The following MTMR6 variants were observed in gnomAD, a reference collection of about 807,000 sequenced individuals.
MTMR6 encodes the protein myotubularin related protein 6.
Under a neutral mutation model 80.1 loss-of-function variants are expected in MTMR6, and 47 were observed. That is an observed-to-expected ratio of 0.59 (90% CI 0.46 to 0.75). The LOEUF is 0.75. Among genes scored for constraint, MTMR6 ranks in the 30% least tolerant of loss-of-function variants. The pLI is 0.00. For missense variants in MTMR6, 629 were observed against 730.9 expected, an observed-to-expected ratio of 0.86 and a Z score of 1.61; for synonymous variants, 254 against 253.0, an observed-to-expected ratio of 1.00 and a Z score of -0.04.
At chr13:25,287,163 C>A in intron 1 of MTMR6, 61 bp downstream of exon 1, 1 of 1,558,586 alleles carries the variant, frequency 6.4e-7, no homozygotes, top group East Asian at 2.4e-5. Flanking sequence ...CCTTCGTCTC[C>A]TCCTGCCTCA....
At chr13:25,286,976 T>C (rs551957857) in intron 1 of MTMR6, among the ~76,000 whole-genome samples, 40 of 152,174 alleles carry the variant, frequency 2.6e-4, no homozygotes, top group Middle Eastern at 6.8e-3. Context: ...CCCAGACTTA[T>C]CTCTACGCAC....
intron 5 of MTMR6, among the ~76,000 whole-genome samples, chr13:25,264,770 A>ATACTTGGGAGGCTGAGGCAGG (rs1957416941): frequency 6.7e-6 from 1 of 150,238 alleles, no homozygotes; most frequent in Non-Finnish European, 1.5e-5. Flanking sequence ...AAAAAAAAAA[A>ATACTTGGGAGGCTGAGGCAGG]AAAAAGAAAT....
intron 2 of MTMR6, among the ~76,000 whole-genome samples, chr13:25,273,776 C>T (rs1169300005): frequency 2.0e-5 from 3 of 152,096 alleles, no homozygotes; most frequent in South Asian, 2.1e-4. Flanking sequence ...CCACCCACCT[C>T]GGCCTCCCAA....
chr13:25,274,951 C>CACACAT (rs1566042688), intron 1 of MTMR6, among the ~76,000 whole-genome samples: 41 of 129,512 alleles, frequency 3.2e-4, no homozygotes, highest in African/African-American at 1.2e-3. Context: ...CACACACACA[C>CACACAT]ACACACACAT....
At position 25,263,619 on chromosome 13, in the gene MTMR6, G is replaced by C. The variant is rs567803287; in HGVS notation, c.592-1817C>G. On this transcript the variant is annotated intron_variant, in intron 5 of 13. Transcript: ENST00000381801. ...AAGAATCCCAAAGCCAGGCACGGTG[G>C]CTCACACCTGCAATCCCAGCACTTT... Among the ~76,000 whole-genome samples, 4 of 152,316 alleles carry C rather than the reference G, an allele frequency of 2.6e-5. No individual in the cohort carries two copies. The South Asian group carries it at 8.3e-4, about 32-fold the overall frequency.
Position 25,258,807 on chromosome 13 carries a change from T to C in MTMR6, c.727-115A>G. 2 of 812,942 alleles carry C rather than the reference T, an allele frequency of 2.5e-6. 1 individual carries two copies. The highest frequency in any genetic ancestry group is 3.5e-6 in the Non-Finnish European group (2 of 566,102). The allele number at this position is 812,942 out of a possible 1,614,324, so 50.4% of individuals were successfully genotyped here. Reference sequence around the variant, plus strand: ...CTAGGAGGCAGTTTAAAGGAACTCATCAAAACTGAATAAGCTACCATTCAT... The same window carrying C: ...CTAGGAGGCAGTTTAAAGGAACTCACCAAAACTGAATAAGCTACCATTCAT... On this transcript the variant is annotated intron_variant, in intron 6 of 13. Transcript: ENST00000381801.
At position 25,257,399 on chromosome 13, in the gene MTMR6, G is replaced by T. The variant is rs959755013; in HGVS notation, c.970-78C>A. ...TTCTACTTGAAAATCATACTAGCAG[G>T]TATTGTGTTACAAGGAAGTGCTATG... On this transcript the variant is annotated intron_variant, in intron 8 of 13. Coordinates refer to ENST00000381801, the MANE Select transcript of MTMR6 (RefSeq NM_004685.5). The T allele has an allele frequency of 3.3e-6, 5 of 1,522,068 alleles. No individual in the cohort carries two copies. In the African/African-American group the frequency reaches 5.6e-5, roughly 17 times the overall value. 94.3% of individuals were successfully genotyped at this position (1,522,068 alleles called of 1,614,324 possible).
intron 2 of MTMR6, among the ~76,000 whole-genome samples, chr13:25,273,422 T>A (rs183172638): frequency 7.4e-4 from 113 of 152,210 alleles, no homozygotes; most frequent in African/African-American, 2.7e-3. Flanking sequence ...AGTACCCTAA[T>A]TAAAATTTGT....
rs377514837 is a variant in MTMR6 at position 25,287,221 on chromosome 13, T to C, written c.24+3A>G. The C allele has an allele frequency of 6.9e-6, 11 of 1,597,656 alleles. No homozygotes were observed. The African/African-American group carries it at 1.2e-4, about 18-fold the overall frequency. On this transcript the variant is annotated splice_donor_region_variant and intron_variant, in intron 1 of 13. Coordinates refer to ENST00000381801, the MANE Select transcript of MTMR6 (RefSeq NM_004685.5). ...GAAGACTGGCGATCCCGCGCCCGAC[T>C]ACCTTGGTCGTCCGGATATGCTCCA... is the stretch of plus-strand genomic sequence containing the variant.
intron 13 of MTMR6, among the ~76,000 whole-genome samples, chr13:25,250,442 C>T (rs1957059389): frequency 6.6e-6 from 1 of 152,056 alleles, no homozygotes; most frequent in South Asian, 2.1e-4. Context: ...GAATTAGTGC[C>T]TGGCATATAA....
rs1305636208 is a variant in MTMR6, at chr13:25,248,829, G to A, written c.*403C>T. ...ATATGTAAATATTCATAGTTACAAAGCTACATAATTGAAAGTACATGCCAT... is the reference window on the plus strand; with the variant it reads ...ATATGTAAATATTCATAGTTACAAAACTACATAATTGAAAGTACATGCCAT... On this transcript the variant is annotated 3_prime_UTR_variant, in exon 14 of 14. Coordinates refer to ENST00000381801, the MANE Select transcript of MTMR6 (RefSeq NM_004685.5). 6.4e-6 allele frequency: 1 copy of A among 157,078 alleles called. No homozygotes were observed. The highest frequency in any genetic ancestry group is 1.4e-5 in the Non-Finnish European group (1 of 71,404). The allele number at this position is 157,078 out of a possible 1,614,324, so 9.7% of individuals were successfully genotyped here. A position where few individuals can be genotyped will look rare whatever the true frequency, so the allele number is the denominator to read the frequency against.
chr13:25,265,969 T>C (rs1472143856), intron 4 of MTMR6, 22 bp from the exon 5 acceptor site: 4 of 1,610,990 alleles, frequency 2.5e-6, no homozygotes, highest in Non-Finnish European at 1.7e-6. Context: ...AAACAAAACA[T>C]AACCATTGTA....
At chr13:25,272,701 C>T (rs1056929939) in intron 2 of MTMR6, among the ~76,000 whole-genome samples, 5 of 152,148 alleles carry the variant, frequency 3.3e-5, no homozygotes, top group African/African-American at 4.8e-5. Flanking sequence ...ACGCAGTATA[C>T]GGTTTTTTGT....
intron 3 of MTMR6, among the ~76,000 whole-genome samples, chr13:25,266,810 C>T (rs1957465985): frequency 6.6e-6 from 1 of 152,186 alleles, no homozygotes; most frequent in African/African-American, 2.4e-5. Context: ...ATGTTACAGG[C>T]TGATGTGCTC....
Position 25,249,372 on chromosome 13 carries a change from G to A in MTMR6, c.1726C>T (p.Leu576=). ...TSLCFKEQTL[L]PVNDALRTIE... ...GTTCGAAGAGCATCATTTACGGGTA[G>A]CAGAGTCTGCTCTTTAAAACACAGG... is the stretch of plus-strand genomic sequence containing the variant. The change falls in exon 14 of 14, where the codon CTA becomes TTA. Residue 576 remains leucine, a synonymous_variant. Transcript: ENST00000381801. 6.2e-7 allele frequency: 1 copy of A among 1,614,148 alleles called. No homozygotes were observed. Among genetic ancestry groups the A allele is most frequent in the Non-Finnish European group, 8.5e-7 (1 of 1,179,986 alleles).
chr13:25,254,066 T>C, intron 10 of MTMR6, 102 bp from the exon 11 acceptor site: 1 of 1,189,642 alleles, frequency 8.4e-7, no homozygotes, highest in Non-Finnish European at 1.2e-6. Flanking sequence ...AAAGCACTGT[T>C]ACATTAGCAT....
intron 5 of MTMR6, among the ~76,000 whole-genome samples, chr13:25,263,687 A>C (rs4640037): frequency 6.6e-6 from 1 of 152,162 alleles, no homozygotes; most frequent in Admixed American, 6.5e-5. Context: ...AGGAGTTCGA[A>C]ACCATCCTGG....
intron 6 of MTMR6, chr13:25,260,623 G>T: frequency 7.8e-7 from 1 of 1,288,184 alleles, no homozygotes; most frequent in Non-Finnish European, 1.0e-6. Context: ...CTGGATTTTT[G>T]AAGAAATCCT....
At chr13:25,260,560 T>C (rs1390100757) in intron 6 of MTMR6, 2 of 1,234,980 alleles carry the variant, frequency 1.6e-6, no homozygotes, top group Admixed American at 5.4e-5. Flanking sequence ...CCACTTGCGT[T>C]CTATATTGCT....
Sources: gnomAD v4.1 joint callset for allele counts (sites outside exome capture counted in the v4.1 genomes callset) on GRCh38, gnomAD v4.1.1 for gene constraint, MANE v1.5 for transcripts, NCBI Gene and HGNC (gene_info 2026-07-23, HGNC 2026-07-21) for gene names.